The following C4orf51 variants were observed in gnomAD, a reference collection of about 807,000 sequenced individuals.
The protein encoded by C4orf51 is chromosome 4 open reading frame 51.
C4orf51 carries 25 observed loss-of-function variants against 25.2 expected under a neutral mutation model. The ratio of observed to expected loss-of-function variants is 0.99; its 90% CI spans 0.72 to 1.39. The LOEUF is 1.39. C4orf51 is among the 40% of genes most tolerant of loss of function. The pLI, the probability that C4orf51 is intolerant of heterozygous loss-of-function variation, is 0.00. For missense variants in C4orf51, 252 were observed against 239.6 expected (o/e 1.05, Z -0.34); for synonymous variants, 100 against 84.5 (o/e 1.18, Z -1.01).
In C4orf51 at chr4:145,765,102, T is replaced by C; in HGVS notation, n.167-5886T>C. 1.2e-6 allele frequency: 2 copies of C among 1,614,184 alleles called. No homozygotes were observed. The highest frequency in any genetic ancestry group is 1.7e-6 in the Non-Finnish European group (2 of 1,180,036). On this transcript the variant is annotated intron_variant and non_coding_transcript_variant, in intron 1 of 1. Coordinates refer to the C4orf51 transcript ENST00000510096. This position sits in a 1 kb window ranked among gnomAD's most constrained non-coding sequence, Gnocchi z 4.7. Reference sequence around the variant, plus strand: ...AAACATCCGGGTGATGAGGTGTATCTGCAGATGACGCTCAAACATGTTCTT... The same window carrying C: ...AAACATCCGGGTGATGAGGTGTATCCGCAGATGACGCTCAAACATGTTCTT...
At chr4:145,744,862 AAAG>A (rs1234568902) in intron 1 of C4orf51, among the ~76,000 whole-genome samples, 1 of 151,888 alleles carries the variant, frequency 6.6e-6, no homozygotes, top group Admixed American at 6.6e-5. Flanking sequence ...CAAAAAAAAA[AAAG>A]AGAGATGGGA....
chr4:145,722,939 C>A (rs914967119), intron 2 of C4orf51, among the ~76,000 whole-genome samples: 1 of 152,182 alleles, frequency 6.6e-6, no homozygotes, highest in African/African-American at 2.4e-5. Flanking sequence ...TCTCCTATCA[C>A]CCCCAGATGA....
At chr4:145,699,364 G>A (rs1428224726) in intron 2 of C4orf51, among the ~76,000 whole-genome samples, 1 of 145,824 alleles carries the variant, frequency 6.9e-6, no homozygotes, top group Non-Finnish European at 1.5e-5. Flanking sequence ...ATCCACCTAC[G>A]ACCTCAGGTC....
intron 2 of C4orf51, among the ~76,000 whole-genome samples, chr4:145,724,595 A>G (rs1731934377): frequency 6.6e-6 from 1 of 152,192 alleles, no homozygotes; most frequent in Non-Finnish European, 1.5e-5. Context: ...GTCATTAAAA[A>G]ATCAATCTGG....
chr4:145,764,315 G>A (rs1734954889), intron 1 of C4orf51, among the ~76,000 whole-genome samples: 1 of 152,182 alleles, frequency 6.6e-6, no homozygotes, highest in South Asian at 2.1e-4. Context: ...GGTGGAAATG[G>A]TGTTTTATTC....
At chr4:145,695,976 A>G (rs549908872) in intron 1 of C4orf51, among the ~76,000 whole-genome samples, 1 of 152,250 alleles carries the variant, frequency 6.6e-6, no homozygotes, top group Admixed American at 6.5e-5. Flanking sequence ...ACACATGGAC[A>G]TAAAGAAGGA....
chr4:145,734,196 A>T (rs551337771), downstream of C4orf51, among the ~76,000 whole-genome samples: 74 of 152,314 alleles, frequency 4.9e-4, no homozygotes, highest in African/African-American at 1.7e-3. Flanking sequence ...CAAAGAACAA[A>T]TATTTGCTTG....
chr4:145,770,489 T>C (rs1376219023), intron 1 of C4orf51, among the ~76,000 whole-genome samples: 4 of 151,766 alleles, frequency 2.6e-5, no homozygotes, highest in Non-Finnish European at 5.9e-5. Flanking sequence ...CATATGGTGG[T>C]TGTGATACTT....
chr4:145,755,088 T>C (rs1349924308), downstream of C4orf51, among the ~76,000 whole-genome samples: 1 of 152,266 alleles, frequency 6.6e-6, no homozygotes, highest in Non-Finnish European at 1.5e-5. Context: ...ACAAGGATTC[T>C]GCCTTGCAAC....
the C4orf51 span, among the ~76,000 whole-genome samples, chr4:145,787,384 AC>A: frequency 1.6e-3 from 245 of 148,996 alleles, no homozygotes; most frequent in African/African-American, 6.0e-3. Context: ...AATCGCTTGA[AC>A]CCGGAGGTAG....
At chr4:145,780,474 G>A in the C4orf51 span, among the ~76,000 whole-genome samples, 1 of 152,188 alleles carries the variant, frequency 6.6e-6, no homozygotes, top group Non-Finnish European at 1.5e-5. Context: ...AGTGCCACAA[G>A]TTATCTACCC....
In C4orf51 at chr4:145,680,393, C is replaced by A. The variant is rs1728756775; in HGVS notation, c.190C>A (p.Gln64Lys). Residue 64 changes from glutamine (Q) to lysine (K), a missense_variant, in exon 1 of 6, where the codon CAA becomes AAA. By Grantham distance (53) the Gln-to-Lys change is moderately conservative. Transcript: ENST00000438731. ...ACAACTGGACAAGTCCATGTGCAGC[C>A]AATTTTCTTTTAGAGCAGGACAGCA... ...KKQLDKSMCS[Q>K]FSFRAGQHEP... is the part of the protein sequence containing the mutation. 2 of 1,613,798 alleles carry A rather than the reference C, an allele frequency of 1.2e-6. No homozygotes were observed. Among genetic ancestry groups the A allele is most frequent in the Non-Finnish European group, 8.5e-7 (1 of 1,179,842 alleles).
chr4:145,740,472 A>G (rs1560861328), intron 1 of C4orf51, among the ~76,000 whole-genome samples: 1 of 152,296 alleles, frequency 6.6e-6, no homozygotes, highest in East Asian at 1.9e-4. Flanking sequence ...TTAATGCTCT[A>G]TACATTATAT....
intron 1 of C4orf51, among the ~76,000 whole-genome samples, chr4:145,694,189 C>T (rs1729864115): frequency 6.8e-6 from 1 of 147,920 alleles, no homozygotes; most frequent in African/African-American, 2.5e-5. Context: ...CAGAGACGCT[C>T]CTCACTTCCT....
At chr4:145,745,320 ATT>A (rs374600935) in intron 1 of C4orf51, among the ~76,000 whole-genome samples, 82,702 of 135,204 alleles carry the variant, frequency 0.61, 24,589 homozygotes, top group Non-Finnish European at 0.67. Flanking sequence ...TTATTCATTC[ATT>A]TTTTTTTTTT....
intron 1 of C4orf51, among the ~76,000 whole-genome samples, chr4:145,768,916 T>TATATATATATATAAAAAA (rs34051922): frequency 2.9e-5 from 1 of 34,428 alleles, no homozygotes; most frequent in East Asian, 1.4e-3. Context: ...TATATATATA[T>TATATATATATATAAAAAA]TAGGTATACA....
At chr4:145,696,904 G>A (rs1730099214) in intron 2 of C4orf51, among the ~76,000 whole-genome samples, 1 of 151,868 alleles carries the variant, frequency 6.6e-6, no homozygotes, top group African/African-American at 2.4e-5. Flanking sequence ...GGGTGTGGTG[G>A]CGCATACCTG....
At chr4:145,692,688 C>A (rs1261364511) in intron 1 of C4orf51, among the ~76,000 whole-genome samples, 1 of 152,132 alleles carries the variant, frequency 6.6e-6, no homozygotes, top group African/African-American at 2.4e-5. Context: ...TCCACTCTAC[C>A]CCTGCCTCAC....
rs112942537 is a variant in C4orf51 at position 145,718,255 on chromosome 4, G to A, written c.308-8656G>A. On this transcript the variant is annotated intron_variant, in intron 2 of 5. Coordinates refer to ENST00000438731, the MANE Select transcript of C4orf51 (RefSeq NM_001080531.3). ...CACAGTAAAGTCCAGATATGAAAAC[G>A]TGTGAGATATCCTTGGGATATTTCC... is the stretch of plus-strand genomic sequence containing the variant. Among the ~76,000 whole-genome samples, 176 of 152,358 alleles carry A rather than the reference G, an allele frequency of 1.2e-3. 1 individual carries two copies. The highest frequency in any genetic ancestry group is 4.0e-3 in the African/African-American group (165 of 41,588).
Sources: gnomAD v4.1 joint callset for allele counts (sites outside exome capture counted in the v4.1 genomes callset) on GRCh38, gnomAD v4.1.1 for gene constraint, Gnocchi (gnomAD v3.1) non-coding constraint, MANE v1.5 for transcripts, NCBI Gene and HGNC (gene_info 2026-07-23, HGNC 2026-07-21) for gene names.